CLINT1: variants seen among roughly 807,000 people sequenced by gnomAD.
The protein encoded by CLINT1 is clathrin interacting protein localized in the trans-Golgi region.
CLINT1 carries 15 observed loss-of-function variants against 70.4 expected under a neutral mutation model. The ratio of observed to expected loss-of-function variants is 0.21; its 90% confidence interval spans 0.14 to 0.33. The LOEUF is 0.33. Among genes scored for constraint, CLINT1 ranks in the 10% least tolerant of loss-of-function variants. The probability of loss-of-function intolerance (pLI) is 1.00; values close to 1 mark genes in which losing one functional copy is unlikely to be tolerated. For missense variants in CLINT1, 615 were observed against 778.1 expected (o/e 0.79, Z 2.49); for synonymous variants, 227 against 254.7 (o/e 0.89, Z 1.04).
chr5:157,851,704 A>T (rs1006482384), intron 1 of CLINT1, among the ~76,000 whole-genome samples: 1 of 151,546 alleles, frequency 6.6e-6, no homozygotes, highest in Non-Finnish European at 1.5e-5. Flanking sequence ...AAAAAAAAAA[A>T]GAAATGAAAT....
At chr5:157,839,720 A>AATCTATCTATCTATCTATCT (rs10632085) in intron 1 of CLINT1, among the ~76,000 whole-genome samples, 65 of 148,518 alleles carry the variant, frequency 4.4e-4, no homozygotes, top group African/African-American at 9.4e-4. Flanking sequence ...TTACAACAAA[A>AATCTATCTATCTATCTATCT]ATCTATCTAT....
At chr5:157,807,732 T>G (rs982262055) in intron 6 of CLINT1, among the ~76,000 whole-genome samples, 2 of 151,412 alleles carry the variant, frequency 1.3e-5, no homozygotes, top group African/African-American at 4.9e-5. Context: ...ACATAAAAAA[T>G]AAAAATCATG....
At chr5:157,848,513 T>TC (rs1753459625) in intron 1 of CLINT1, among the ~76,000 whole-genome samples, 3 of 152,080 alleles carry the variant, frequency 2.0e-5, no homozygotes, top group African/African-American at 7.2e-5. Flanking sequence ...ATCCAATTTT[T>TC]TTTTTTTTGA....
At chr5:157,833,289 T>C (rs1763306019) in intron 1 of CLINT1, among the ~76,000 whole-genome samples, 1 of 150,772 alleles carries the variant, frequency 6.6e-6, no homozygotes, top group African/African-American at 2.4e-5. Context: ...AGGTGGAGGC[T>C]GCCATGAGCC....
Position 157,787,991 on chromosome 5 carries a change from A to G in CLINT1, c.1533T>C (p.Asn511=). The G allele has an allele frequency of 6.2e-7, 1 of 1,602,386 alleles. No homozygotes were observed. The highest frequency in any genetic ancestry group is 8.5e-7 in the Non-Finnish European group (1 of 1,173,688). ...PSLNTMIQQQ[N]MQQPMNVMTQ... ...TCATCACATTCATAGGCTGCTGCAT[A>G]TCTACCAGACGAAAACAGACAGAAG... Residue 511 remains asparagine (N), a splice_region_variant and synonymous_variant, in exon 12 of 12, where the codon AAT becomes AAC. Transcript: ENST00000411809.
At chr5:157,834,107 C>G (rs1187350798) in intron 1 of CLINT1, among the ~76,000 whole-genome samples, 1 of 152,150 alleles carries the variant, frequency 6.6e-6, no homozygotes, top group East Asian at 1.9e-4. Flanking sequence ...TTTGGGAGGC[C>G]AAGGCAAGCG....
chr5:157,835,858 C>G lies in CLINT1; in HGVS notation c.42-18311G>C, dbSNP rs1763404246. On this transcript the variant is annotated intron_variant, in intron 1 of 11. Coordinates refer to ENST00000411809, the MANE Select transcript of CLINT1 (RefSeq NM_014666.4). ...TAACTTGGCACAAGATTTCTGTGTC[C>G]CATAGAAAGATTTGAAGAACTAAAT... 2.6e-5 allele frequency among the ~76,000 whole-genome samples: 4 copies of G among 151,962 alleles called. No homozygotes were observed. The South Asian group carries it at 8.3e-4, about 32-fold the overall frequency.
intron 5 of CLINT1, among the ~76,000 whole-genome samples, chr5:157,811,301 G>C (rs910956368): frequency 2.6e-5 from 4 of 152,096 alleles, no homozygotes; most frequent in Non-Finnish European, 5.9e-5. Context: ...CAGCACTTTG[G>C]GAGGCCAAGG....
intron 5 of CLINT1, among the ~76,000 whole-genome samples, 189 bp from the exon 6 acceptor site, chr5:157,809,994 G>A (rs1762506000): frequency 6.6e-6 from 1 of 152,176 alleles, no homozygotes; most frequent in Non-Finnish European, 1.5e-5. Context: ...TAAGTGGCAG[G>A]AATGCAGATT....
In CLINT1 at chr5:157,801,987, T is replaced by C. The variant is rs187895192; in HGVS notation, c.1012+1663A>G. ...TCAGCTCATTGCAAACTCCACCTCC[T>C]GGGTTCAAGCGATTCTCCTGCCTTA... On this transcript the variant is annotated intron_variant, in intron 8 of 11. Transcript: ENST00000411809. Among the ~76,000 whole-genome samples the C allele has an allele frequency of 9.6e-4, 146 of 151,996 alleles. 1 individual carries two copies. Among genetic ancestry groups the C allele is most frequent in the Middle Eastern group, 3.4e-3 (1 of 294 alleles).
intron 1 of CLINT1, among the ~76,000 whole-genome samples, chr5:157,822,858 C>T (rs1762918218): frequency 6.6e-6 from 1 of 152,082 alleles, no homozygotes; most frequent in Non-Finnish European, 1.5e-5. Context: ...ATTTTTTCCT[C>T]TTAAAAGTTC....
chr5:157,812,176 T>C (rs559769946), intron 5 of CLINT1, among the ~76,000 whole-genome samples: 1 of 152,334 alleles, frequency 6.6e-6, no homozygotes, highest in East Asian at 1.9e-4. Context: ...AGTAAGGATA[T>C]TTTATATGTT....
chr5:157,834,970 C>T (rs1415332195), intron 1 of CLINT1, among the ~76,000 whole-genome samples: 1 of 152,192 alleles, frequency 6.6e-6, no homozygotes, highest in African/African-American at 2.4e-5. Context: ...ATTCACGGTG[C>T]TTTCATGTTC....
At chr5:157,855,716 C>T (rs1350881928) in intron 1 of CLINT1, among the ~76,000 whole-genome samples, 1 of 152,152 alleles carries the variant, frequency 6.6e-6, no homozygotes. Flanking sequence ...GGGTGGATCA[C>T]CTGAGGTCAG....
At chr5:157,852,537 T>C (rs571366183) in intron 1 of CLINT1, among the ~76,000 whole-genome samples, 1 of 152,346 alleles carries the variant, frequency 6.6e-6, no homozygotes, top group African/African-American at 2.4e-5. Flanking sequence ...TTATACTGTT[T>C]TGTGTGTAAC....
At chr5:157,814,860 T>G (rs1419933912) in intron 3 of CLINT1, among the ~76,000 whole-genome samples, 1 of 151,700 alleles carries the variant, frequency 6.6e-6, no homozygotes, top group Non-Finnish European at 1.5e-5. Flanking sequence ...TGGTGAAACC[T>G]CGTCTCTACT....
intron 1 of CLINT1, among the ~76,000 whole-genome samples, chr5:157,818,994 T>C (rs1027035148): frequency 2.6e-5 from 4 of 152,322 alleles, no homozygotes; most frequent in South Asian, 2.1e-4. Context: ...AATCAGAATT[T>C]GGTTAACTAT....
At chr5:157,827,041 G>A (rs1460232836) in intron 1 of CLINT1, among the ~76,000 whole-genome samples, 3 of 152,098 alleles carry the variant, frequency 2.0e-5, no homozygotes, top group African/African-American at 7.2e-5. Context: ...TAGTTTGGAT[G>A]GGGCAAAATT....
At chr5:157,847,582 C>T (rs1207505043) in intron 1 of CLINT1, among the ~76,000 whole-genome samples, 1 of 151,942 alleles carries the variant, frequency 6.6e-6, no homozygotes, top group East Asian at 1.9e-4. Context: ...GATTCCAAAC[C>T]TCATGGATCA....
Sources: allele counts gnomAD v4.1 joint callset (sites outside exome capture counted in the v4.1 genomes callset), GRCh38; gene constraint gnomAD v4.1.1; transcripts MANE v1.5; gene names NCBI Gene and HGNC (gene_info 2026-07-23, HGNC 2026-07-21).